PTPRM: variants seen among roughly 807,000 people sequenced by gnomAD.
PTPRM encodes receptor-type tyrosine-protein phosphatase mu.
In PTPRM, 47 loss-of-function variants were observed where a neutral mutation model predicts 186.7. The observed-to-expected ratio is 0.25, with a 90% CI of 0.20 to 0.32. The LOEUF (loss-of-function observed/expected upper bound fraction) is 0.32, where lower values mean the gene tolerates loss of function less well. Among genes scored for constraint, PTPRM ranks in the 10% least tolerant of loss-of-function variants. PTPRM has a pLI of 1.00. For synonymous variants in PTPRM, 668 were observed against 674.9 expected (o/e 0.99, Z 0.16); for missense variants, 1,494 against 1,865.0 (o/e 0.80, Z 3.66).
intron 7 of PTPRM, among the ~76,000 whole-genome samples, chr18:8,022,820 C>T (rs781028912): frequency 2.0e-5 from 3 of 152,122 alleles, no homozygotes; most frequent in Non-Finnish European, 4.4e-5. Context: ...AAATGCCTAA[C>T]GTTTACTGGG....
At chr18:8,235,329 A>G (rs1434233153) in intron 14 of PTPRM, among the ~76,000 whole-genome samples, 2 of 152,030 alleles carry the variant, frequency 1.3e-5, no homozygotes, top group African/African-American at 2.4e-5. Flanking sequence ...GAACTGGTCT[A>G]TTTCAACCAG....
chr18:8,292,104 T>G (rs2095049397), intron 19 of PTPRM, among the ~76,000 whole-genome samples: 1 of 152,190 alleles, frequency 6.6e-6, no homozygotes, highest in Non-Finnish European at 1.5e-5. Context: ...GTCTGAGAGA[T>G]CGTACCATAT....
At chr18:7,854,051 T>A (rs2046984758) in intron 2 of PTPRM, among the ~76,000 whole-genome samples, 1 of 152,176 alleles carries the variant, frequency 6.6e-6, no homozygotes, top group Admixed American at 6.6e-5. Context: ...CATTTCAGGA[T>A]TTCCCCCTGA....
At chr18:7,907,126 A>C (rs2050025064) in intron 4 of PTPRM, among the ~76,000 whole-genome samples, 1 of 152,256 alleles carries the variant, frequency 6.6e-6, no homozygotes, top group Non-Finnish European at 1.5e-5. Context: ...TAAACATACA[A>C]TTTTTAAAAT....
chr18:8,088,554 G>A (rs556528630), intron 10 of PTPRM, among the ~76,000 whole-genome samples, 195 bp from the exon 11 acceptor site: 64 of 152,202 alleles, frequency 4.2e-4, no homozygotes, highest in Non-Finnish European at 7.9e-4. Flanking sequence ...ACAGAGGACA[G>A]TATGGGCTGC....
intron 14 of PTPRM, among the ~76,000 whole-genome samples, chr18:8,224,622 T>A (rs1379583207): frequency 6.6e-6 from 1 of 152,250 alleles, no homozygotes; most frequent in Non-Finnish European, 1.5e-5. Context: ...TGGATTTTTA[T>A]TCTGATCCCA....
chr18:8,205,595 G>T (rs1166634168), intron 14 of PTPRM, among the ~76,000 whole-genome samples: 1 of 152,154 alleles, frequency 6.6e-6, no homozygotes, highest in Admixed American at 6.6e-5. Context: ...GATACGTTAT[G>T]CTTGAGTTAG....
At chr18:7,918,015 C>A (rs1275500195) in intron 4 of PTPRM, among the ~76,000 whole-genome samples, 2 of 151,874 alleles carry the variant, frequency 1.3e-5, no homozygotes, top group Admixed American at 6.6e-5. Context: ...GACAGGATTT[C>A]ATGCTTTTTT....
At chr18:8,326,455 A>G (rs1450582846) in intron 22 of PTPRM, among the ~76,000 whole-genome samples, 12 of 152,242 alleles carry the variant, frequency 7.9e-5, no homozygotes. Flanking sequence ...ATACAGTACC[A>G]TAGAAGAGCC....
In PTPRM at chr18:7,966,986, C is replaced by T. The variant is rs1230393906; in HGVS notation, c.1132+11572C>T. On this transcript the variant is annotated intron_variant, in intron 7 of 32. Transcript: ENST00000580170. The stretch of plus-strand genomic sequence containing the variant: ...TAGGAGGCCTGCCTGCCTCTGTAGG[C>T]TCCACCTCTGGGGGCAGGGCACAGA... 1.7e-5 allele frequency among the ~76,000 whole-genome samples: 2 copies of T among 116,732 alleles called. 1 individual carries two copies. The highest frequency in any genetic ancestry group is 1.8e-4 in the Admixed American group (2 of 11,226). 76.6% of individuals were successfully genotyped at this position (116,732 alleles called of 152,430 possible).
intron 25 of PTPRM, 108 bp downstream of exon 25, chr18:8,376,308 CACA>C: frequency 6.5e-7 from 1 of 1,534,400 alleles, no homozygotes; most frequent in Non-Finnish European, 8.8e-7. Context: ...GTGATGATTG[CACA>C]ACATTTTGGG....
intron 1 of PTPRM, among the ~76,000 whole-genome samples, chr18:7,582,354 A>G (rs2036867348): frequency 6.6e-6 from 1 of 152,112 alleles, no homozygotes; most frequent in African/African-American, 2.4e-5. Context: ...CTCAGCTGGG[A>G]CAGTTGGACT....
chr18:8,078,013 A>G (rs546196300), intron 9 of PTPRM, among the ~76,000 whole-genome samples: 3 of 152,360 alleles, frequency 2.0e-5, no homozygotes, highest in African/African-American at 7.2e-5. Flanking sequence ...GGATGCATGA[A>G]TGTGTCATAA....
intron 7 of PTPRM, 123 bp downstream of exon 7, chr18:7,955,537 A>C (rs1160731726): frequency 8.8e-7 from 1 of 1,131,788 alleles, no homozygotes; most frequent in Non-Finnish European, 1.2e-6. Flanking sequence ...ATATGAACAG[A>C]AAATGCCCTT....
intron 1 of PTPRM, among the ~76,000 whole-genome samples, chr18:7,615,921 C>T (rs1006714913): frequency 6.6e-6 from 1 of 152,052 alleles, no homozygotes; most frequent in Non-Finnish European, 1.5e-5. Flanking sequence ...TCATTAGGAG[C>T]GTGCAACCTA....
chr18:8,116,473 AGGC>A (rs2091962188), intron 13 of PTPRM, among the ~76,000 whole-genome samples: 1 of 152,198 alleles, frequency 6.6e-6, no homozygotes. Context: ...CTGGGGGTCA[AGGC>A]CTGCACTCCT....
chr18:7,582,148 C>A (rs1018489700), intron 1 of PTPRM, among the ~76,000 whole-genome samples: 8 of 152,152 alleles, frequency 5.3e-5, no homozygotes, highest in Admixed American at 3.9e-4. Flanking sequence ...AACTTAGTGA[C>A]CTAAAACAAC....
rs2095703083 is a variant in PTPRM, at chr18:8,377,361, C to T, written c.3462+764C>T. On this transcript the variant is annotated intron_variant, in intron 26 of 32. Coordinates refer to ENST00000580170, the MANE Select transcript of PTPRM (RefSeq NM_001105244.2). ...TTAGCTAACATAAAAATAACAGAAACTTTAAATGCTGCTTTCATGGGTTCT... is the reference window on the plus strand; with the variant it reads ...TTAGCTAACATAAAAATAACAGAAATTTTAAATGCTGCTTTCATGGGTTCT... 2.0e-5 allele frequency: 3 copies of T among 152,228 alleles called. No individual in the cohort carries two copies. The South Asian group carries it at 6.2e-4, about 32-fold the overall frequency. The allele number at this position is 152,228 out of a possible 1,614,324, so 9.4% of individuals were successfully genotyped here. A position where few individuals can be genotyped will look rare whatever the true frequency, so the allele number is the denominator to read the frequency against.
intron 2 of PTPRM, among the ~76,000 whole-genome samples, chr18:7,803,869 G>A (rs765427171): frequency 1.3e-5 from 2 of 152,004 alleles, no homozygotes; most frequent in Non-Finnish European, 1.5e-5. Flanking sequence ...TAGAATTATC[G>A]GAGCTTAACC....
Sources: gnomAD v4.1 joint callset for allele counts (sites outside exome capture counted in the v4.1 genomes callset) on GRCh38, gnomAD v4.1.1 for gene constraint, MANE v1.5 for transcripts, NCBI Gene and HGNC (gene_info 2026-07-23, HGNC 2026-07-21) for gene names.